Variants in GFPT2 observed in about 807,000 individuals in gnomAD.
GFPT2 encodes the protein glutamine--fructose-6-phosphate aminotransferase [isomerizing] 2.
Under a neutral mutation model 85.6 loss-of-function variants are expected in GFPT2, and 62 were observed. The ratio of observed to expected loss-of-function variants is 0.72; its 90% CI spans 0.59 to 0.90. The LOEUF (loss-of-function observed/expected upper bound fraction) is 0.90, where lower values mean the gene tolerates loss of function less well. Among genes scored for constraint, GFPT2 ranks in the 40% least tolerant of loss-of-function variants. The pLI, the probability that GFPT2 is intolerant of heterozygous loss-of-function variation, is 0.00. For missense variants in GFPT2, 788 were observed against 893.4 expected (o/e 0.88, Z 1.50); for synonymous variants, 368 against 344.5 (o/e 1.07, Z -0.75).
chr5:180,324,512 CAAACAA>C, intron 8 of GFPT2: 1 of 581,966 alleles, frequency 1.7e-6, no homozygotes, highest in Non-Finnish European at 3.0e-6. Flanking sequence ...GAGAGGAATG[CAAACAA>C]AAACAAACCA....
Position 180,313,920 on chromosome 5 carries a change from G to A in GFPT2, c.1318C>T (p.Arg440Cys), listed in dbSNP as rs370443163. 1 of 1,605,218 alleles carries A rather than the reference G, an allele frequency of 6.2e-7. No individual in the cohort carries two copies. The highest frequency in any genetic ancestry group is 8.5e-7 in the Non-Finnish European group (1 of 1,179,410). Reference protein sequence around the residue: ...TLLALRYCKDRGALTVGVTNT... With the variant: ...TLLALRYCKDCGALTVGVTNT... ...GTGACGCCCACGGTGAGAGCGCCGC[G>A]GTCCTTACAGTAGCGCAGCGCCAGG... The change falls in exon 14 of 19, where the codon CGC (arginine) becomes TGC (cysteine). Residue 440 changes from arginine to cysteine, a missense_variant. Physicochemically the swap from Arg to Cys is radical, Grantham distance 180 (BLOSUM62 -3). Transcript: ENST00000253778.
In GFPT2 at chr5:180,324,175, A is replaced by G. The variant is rs780491638; in HGVS notation, c.794+13T>C. 3 of 1,405,116 alleles carry G rather than the reference A, an allele frequency of 2.1e-6. No individual in the cohort carries two copies. Among genetic ancestry groups the G allele is most frequent in the South Asian group, 2.3e-5 (2 of 85,630 alleles). The allele number at this position is 1,405,116 out of a possible 1,614,324, so 87.0% of individuals were successfully genotyped here. On this transcript the variant is annotated intron_variant, in intron 9 of 18. Transcript: ENST00000253778. Reference sequence around the variant, plus strand: ...TGTAATCCCAGGAAGCGAAGAGAAGAAGGCTCAGTTACCTTGCATCAGAAG... The same window carrying G: ...TGTAATCCCAGGAAGCGAAGAGAAGGAGGCTCAGTTACCTTGCATCAGAAG...
chr5:180,305,293 G>A (rs896306669), intron 16 of GFPT2, among the ~76,000 whole-genome samples: 1 of 152,178 alleles, frequency 6.6e-6, no homozygotes, highest in Non-Finnish European at 1.5e-5. Context: ...AGCCAGCCAC[G>A]TGTATAACGA....
At chr5:180,306,152 T>C (rs1029320996) in intron 16 of GFPT2, among the ~76,000 whole-genome samples, 8 of 151,840 alleles carry the variant, frequency 5.3e-5, no homozygotes, top group African/African-American at 2.4e-5. Flanking sequence ...GCCCAGCTAG[T>C]TTTTGAATTT....
chr5:180,306,402 C>T (rs976608100), intron 16 of GFPT2, among the ~76,000 whole-genome samples: 1 of 152,192 alleles, frequency 6.6e-6, no homozygotes, highest in Non-Finnish European at 1.5e-5. Flanking sequence ...GAGCACTGTC[C>T]CCGTCACCTG....
intron 13 of GFPT2, among the ~76,000 whole-genome samples, chr5:180,315,540 T>A (rs1310053370): frequency 6.6e-6 from 1 of 152,156 alleles, no homozygotes; most frequent in East Asian, 1.9e-4. Context: ...TGGATGAATA[T>A]CATGATGCCC....
rs373785115 is a variant in GFPT2, at chr5:180,339,997, T to G, written c.8-1397A>C. 1.9e-4 allele frequency among the ~76,000 whole-genome samples: 29 copies of G among 152,354 alleles called. No homozygotes were observed. In the South Asian group the frequency reaches 5.6e-3, roughly 29 times the overall value. ...GTAACTGTCCTAAGTTGGCTTGGGC[T>G]GCTGTAACAAAATACCACAGACTGC... On this transcript the variant is annotated intron_variant, in intron 1 of 18. Coordinates refer to ENST00000253778, the MANE Select transcript of GFPT2 (RefSeq NM_005110.4).
At chr5:180,312,081 ACC>A (rs1323527133) in intron 15 of GFPT2, among the ~76,000 whole-genome samples, 46 of 42,382 alleles carry the variant, frequency 1.1e-3, no homozygotes, top group East Asian at 1.4e-3. Context: ...GAGGCTGAGG[ACC>A]AGGGAGGCAG....
Position 180,330,917 on chromosome 5 carries a change from C to G in GFPT2, c.400-83G>C. ...CCAACTCCCTCTCCTCCCTGGTGAT[C>G]TGCCCTTGGAGTGACTTAAGTCAAG... On this transcript the variant is annotated intron_variant, in intron 5 of 18. Coordinates refer to ENST00000253778, the MANE Select transcript of GFPT2 (RefSeq NM_005110.4). This position sits in a 1 kb window ranked among gnomAD's most constrained non-coding sequence, Gnocchi z 4.4. 2.3e-6 allele frequency: 3 copies of G among 1,303,616 alleles called. No individual in the cohort carries two copies. Among genetic ancestry groups the G allele is most frequent in the Non-Finnish European group, 3.3e-6 (3 of 917,448 alleles). 80.8% of individuals were successfully genotyped at this position (1,303,616 alleles called of 1,614,324 possible).
intron 15 of GFPT2, among the ~76,000 whole-genome samples, chr5:180,308,675 T>G (rs1368959671): frequency 6.6e-6 from 1 of 152,224 alleles, no homozygotes; most frequent in Non-Finnish European, 1.5e-5. Flanking sequence ...ATCCTATCAA[T>G]AAACTTTTTC....
In GFPT2 at chr5:180,312,462, T is replaced by G. The variant is rs1171743773; in HGVS notation, c.1514A>C (p.Gln505Pro). 3 of 1,607,014 alleles carry G rather than the reference T, an allele frequency of 1.9e-6. No homozygotes were observed. Among genetic ancestry groups the G allele is most frequent in the Middle Eastern group, 1.7e-4 (1 of 6,052 alleles). ...EDRISLQNRR[Q>P]EIIRGLRSLP... ...AGATCTCAAGCCACGGATGATCTCT[T>G]GCCTCCTGTTTTGTAGTGAAATTCG... The change falls in exon 15 of 19, where the codon CAA (glutamine) becomes CCA (proline). Residue 505 changes from glutamine (Q) to proline (P), a missense_variant. Coordinates refer to ENST00000253778, the MANE Select transcript of GFPT2 (RefSeq NM_005110.4).
chr5:180,305,461 C>T (rs1763758704), intron 16 of GFPT2, among the ~76,000 whole-genome samples: 2 of 152,188 alleles, frequency 1.3e-5, no homozygotes, highest in African/African-American at 4.8e-5. Flanking sequence ...CATCTCTATT[C>T]AGTTACCACA....
In GFPT2 at chr5:180,328,717, A is replaced by G. The variant is rs1306322048; in HGVS notation, c.535-379T>C. Among the ~76,000 whole-genome samples, 1 of 152,194 alleles carries G rather than the reference A, an allele frequency of 6.6e-6. No individual in the cohort carries two copies. The highest frequency in any genetic ancestry group is 2.4e-5 in the African/African-American group (1 of 41,452). ...TACTCAGCAAGCCCCTGTGAAGTGCACTTTAGCTCAACACACGGTAGGGCC... is the reference window on the plus strand; with the variant it reads ...TACTCAGCAAGCCCCTGTGAAGTGCGCTTTAGCTCAACACACGGTAGGGCC... On this transcript the variant is annotated intron_variant, in intron 6 of 18. Coordinates refer to ENST00000253778, the MANE Select transcript of GFPT2 (RefSeq NM_005110.4). The surrounding 1 kb of genome is among the most constrained non-coding windows in gnomAD (Gnocchi z 5.4).
chr5:180,301,578 C>A lies in GFPT2; in HGVS notation c.2035G>T (p.Val679Leu). 1 of 1,613,596 alleles carries A rather than the reference C, an allele frequency of 6.2e-7. No homozygotes were observed. The highest frequency in any genetic ancestry group is 8.5e-7 in the Non-Finnish European group (1 of 1,179,480). ...VDFPRNLAKS[V>L]TVE Reference sequence around the variant, plus strand: ...CGGTCTCAGCCTCATTCCACAGTTACAGACTTGGCCAGATTTCTGGGGAAG... The same window carrying A: ...CGGTCTCAGCCTCATTCCACAGTTAAAGACTTGGCCAGATTTCTGGGGAAG... The change falls in exon 19 of 19, where the codon GTA becomes TTA. Residue 679 changes from valine to leucine, a missense_variant. By Grantham distance (32) the Val-to-Leu change is conservative. Transcript: ENST00000253778.
At chr5:180,315,458 G>A (rs984570398) in intron 13 of GFPT2, among the ~76,000 whole-genome samples, 4 of 151,812 alleles carry the variant, frequency 2.6e-5, no homozygotes, top group African/African-American at 9.7e-5. Flanking sequence ...GATTACAGGC[G>A]TGAGCCACCG....
intron 1 of GFPT2, among the ~76,000 whole-genome samples, chr5:180,351,983 C>CCACCTTTGCCT (rs1203780110): frequency 6.6e-6 from 1 of 152,176 alleles, no homozygotes. Flanking sequence ...GGCAAAACTA[C>CCACCTTTGCCT]CACCTTTGCC....
intron 14 of GFPT2, 77 bp downstream of exon 14, chr5:180,313,730 G>C: frequency 1.5e-6 from 2 of 1,329,934 alleles, no homozygotes; most frequent in Non-Finnish European, 2.0e-6. Context: ...GGGCAGAGCA[G>C]GCCGGAGGAG....
At chr5:180,331,841 C>A (rs1764306457) in intron 4 of GFPT2, among the ~76,000 whole-genome samples, 1 of 152,144 alleles carries the variant, frequency 6.6e-6, no homozygotes. Flanking sequence ...GTGCAGAGAG[C>A]TCTCCCCTGT....
chr5:180,301,348 A>T lies in GFPT2; in HGVS notation c.*216T>A, dbSNP rs559730979. 250 of 600,258 alleles carry T rather than the reference A, an allele frequency of 4.2e-4. No individual in the cohort carries two copies. The highest frequency in any genetic ancestry group is 6.9e-4 in the Non-Finnish European group (233 of 336,062). 37.2% of individuals were successfully genotyped at this position (600,258 alleles called of 1,614,324 possible). ...CTGCTCTGATCCCCATGTGTAAACA[A>T]TGATTCCCTTCTCCTCTGGCGACTT... On this transcript the variant is annotated 3_prime_UTR_variant, in exon 19 of 19. Transcript: ENST00000253778.
Sources: allele counts gnomAD v4.1 joint callset (sites outside exome capture counted in the v4.1 genomes callset), GRCh38; gene constraint gnomAD v4.1.1; non-coding constraint Gnocchi (gnomAD v3.1); transcripts MANE v1.5; gene names NCBI Gene and HGNC (gene_info 2026-07-23, HGNC 2026-07-21).